The following ALCAM variants were observed in gnomAD, a reference collection of about 807,000 sequenced individuals.
ALCAM encodes activated leukocyte cell adhesion molecule, also known as CD166 antigen.
Under a neutral mutation model 70.9 loss-of-function variants are expected in ALCAM, and 30 were observed. The ratio of observed to expected loss-of-function variants is 0.42; its 90% CI spans 0.32 to 0.57. The LOEUF (loss-of-function observed/expected upper bound fraction) is 0.57, where lower values mean the gene tolerates loss of function less well. Among genes scored for constraint, ALCAM ranks in the 20% least tolerant of loss-of-function variants. The probability of loss-of-function intolerance (pLI) is 0.11; values close to 1 mark genes in which losing one functional copy is unlikely to be tolerated. For synonymous variants in ALCAM, 249 were observed against 242.5 expected, an observed-to-expected ratio of 1.03 and a Z score of -0.25; for missense variants, 591 against 695.1, an observed-to-expected ratio of 0.85 and a Z score of 1.68.
chr3:105,543,518 CAAGATTTGTTTCCTTTTCAAACATGTCTA>C (rs1940173430), intron 8 of ALCAM, among the ~76,000 whole-genome samples: 1 of 151,474 alleles, frequency 6.6e-6, no homozygotes, highest in South Asian at 2.1e-4. Flanking sequence ...TTTCCAAAAA[CAAGATTTGTTTCCTTTTCAAACATGTCTA>C]AAGGAAGTGT....
chr3:105,440,774 C>T (rs1937153037), intron 1 of ALCAM: 1 of 152,196 alleles, frequency 6.6e-6, no homozygotes, highest in African/African-American at 2.4e-5. Context: ...TCATTAATTA[C>T]CTCATGGGAT....
At chr3:105,541,877 C>A in intron 8 of ALCAM, 112 bp downstream of exon 8, 1 of 1,285,708 alleles carries the variant, frequency 7.8e-7, no homozygotes, top group Non-Finnish European at 1.1e-6. Context: ...AACTTGGTTG[C>A]AATAGATGCA....
chr3:105,502,462 G>A (rs1938947399), intron 1 of ALCAM, among the ~76,000 whole-genome samples: 1 of 152,172 alleles, frequency 6.6e-6, no homozygotes, highest in Non-Finnish European at 1.5e-5. Flanking sequence ...ATTTCCCAGA[G>A]CCGGGGCATT....
chr3:105,552,896 A>G (rs1036823934), intron 14 of ALCAM: 8 of 1,094,232 alleles, frequency 7.3e-6, no homozygotes, highest in African/African-American at 1.7e-5. Flanking sequence ...GTCAACAACC[A>G]TAGACTTTTT....
chr3:105,423,429 A>G (rs1480643880), intron 1 of ALCAM, among the ~76,000 whole-genome samples: 1 of 150,994 alleles, frequency 6.6e-6, no homozygotes. Context: ...ATATTGAATA[A>G]TTCTTTAACT....
rs1320902727 is a variant in ALCAM, at chr3:105,425,532, T to C, written c.73+58051T>C. Reference sequence around the variant, plus strand: ...AATTTATCACAAAAATTAAATAGATTGCACTGTAAAAATCATATAATTACT... The same window carrying C: ...AATTTATCACAAAAATTAAATAGATCGCACTGTAAAAATCATATAATTACT... On this transcript the variant is annotated intron_variant, in intron 1 of 15. Transcript: ENST00000306107. 2.0e-5 allele frequency among the ~76,000 whole-genome samples: 3 copies of C among 151,804 alleles called. 1 individual carries two copies. The highest frequency in any genetic ancestry group is 4.4e-5 in the Non-Finnish European group (3 of 67,852).
At chr3:105,379,657 C>T (rs1935467045) in intron 1 of ALCAM, among the ~76,000 whole-genome samples, 1 of 151,736 alleles carries the variant, frequency 6.6e-6, no homozygotes, top group Non-Finnish European at 1.5e-5. Context: ...ATTTTAAATA[C>T]ATTATTTCTC....
intron 1 of ALCAM, chr3:105,439,532 G>T (rs1312566605): frequency 6.6e-6 from 1 of 152,076 alleles, no homozygotes; most frequent in Non-Finnish European, 1.5e-5. Flanking sequence ...ATAAAGAAAT[G>T]GTCTAATTTT....
At chr3:105,391,078 G>A (rs1027389202) in intron 1 of ALCAM, among the ~76,000 whole-genome samples, 83 of 152,012 alleles carry the variant, frequency 5.5e-4, no homozygotes, top group Non-Finnish European at 1.3e-4. Flanking sequence ...GGCTATATGG[G>A]CACTTTTTTG....
intron 1 of ALCAM, among the ~76,000 whole-genome samples, chr3:105,389,236 C>T (rs1035580285): frequency 6.6e-6 from 1 of 151,210 alleles, no homozygotes; most frequent in African/African-American, 2.4e-5. Flanking sequence ...TTTTCTTTAT[C>T]CTTATTTATT....
chr3:105,574,499 T>C lies in ALCAM; in HGVS notation c.*48T>C. On this transcript the variant is annotated 3_prime_UTR_variant, in exon 16 of 16. Transcript: ENST00000306107. ...CAGAGATAAAAATCATATAGACCAA[T>C]TGAAGCATGAACGTGGATTGTATTT... is the stretch of plus-strand genomic sequence containing the variant. The C allele has an allele frequency of 6.6e-6, 1 of 152,480 alleles. No individual in the cohort carries two copies. The highest frequency in any genetic ancestry group is 1.9e-4 in the East Asian group (1 of 5,186). 9.4% of individuals were successfully genotyped at this position (152,480 alleles called of 1,614,324 possible).
chr3:105,526,002 A>G (rs896141728), intron 3 of ALCAM, among the ~76,000 whole-genome samples: 3 of 152,202 alleles, frequency 2.0e-5, no homozygotes, highest in African/African-American at 7.2e-5. Flanking sequence ...TAGAAAGATG[A>G]ATAGTGCACT....
intron 1 of ALCAM, among the ~76,000 whole-genome samples, chr3:105,404,278 A>C (rs1190599260): frequency 6.6e-6 from 1 of 152,162 alleles, no homozygotes; most frequent in South Asian, 2.1e-4. Flanking sequence ...TTGACTAGGC[A>C]TGTAGTCATC....
chr3:105,553,187 G>A (rs2152632338), intron 14 of ALCAM: 2 of 784,060 alleles, frequency 2.6e-6, no homozygotes, highest in Non-Finnish European at 1.5e-6. Flanking sequence ...TTAGTTATAT[G>A]ATATTACAGA....
At chr3:105,539,653 C>G (rs1211756747) in intron 6 of ALCAM, among the ~76,000 whole-genome samples, 1 of 152,018 alleles carries the variant, frequency 6.6e-6, no homozygotes, top group East Asian at 1.9e-4. Context: ...TTAAATTTCC[C>G]TATCATAAAG....
At position 105,533,663 on chromosome 3, in the gene ALCAM, G is replaced by A; in HGVS notation, c.520G>A (p.Gly174Arg). 6.2e-7 allele frequency: 1 copy of A among 1,611,854 alleles called. No homozygotes were observed. The change falls in exon 5 of 16, where the codon GGA (glycine) becomes AGA (arginine). Residue 174 changes from glycine (G) to arginine (R), a missense_variant. By Grantham distance (125) the Gly-to-Arg change is moderately radical. Transcript: ENST00000306107. ...TGGCAATATCACATGGTACAGGAAT[G>A]GAAAAGTGCTACATCCCCTTGAAGG... ...PDGNITWYRNGKVLHPLEGAV... is the reference protein window; with the variant it reads ...PDGNITWYRNRKVLHPLEGAV...
chr3:105,441,396 T>C (rs1413017157), intron 1 of ALCAM, among the ~76,000 whole-genome samples: 1 of 152,194 alleles, frequency 6.6e-6, no homozygotes, highest in East Asian at 1.9e-4. Context: ...CCCAGTTTTA[T>C]AAAAAGGAAA....
chr3:105,498,030 C>CAA (rs769545606), intron 1 of ALCAM, among the ~76,000 whole-genome samples: 16 of 103,088 alleles, frequency 1.6e-4, no homozygotes, highest in African/African-American at 4.6e-4. Flanking sequence ...GACTCTGCCT[C>CAA]AAAAAAAAAA....
chr3:105,572,981 C>T (rs1940888066), intron 15 of ALCAM, among the ~76,000 whole-genome samples: 1 of 152,062 alleles, frequency 6.6e-6, no homozygotes, highest in African/African-American at 2.4e-5. Flanking sequence ...GATTCTAATA[C>T]CTTAGATTTG....
Sources: gnomAD v4.1 joint callset for allele counts (sites outside exome capture counted in the v4.1 genomes callset) on GRCh38, gnomAD v4.1.1 for gene constraint, MANE v1.5 for transcripts, NCBI Gene and HGNC (gene_info 2026-07-23, HGNC 2026-07-21) for gene names.